BANP: variants seen among roughly 807,000 people sequenced by gnomAD.
BANP encodes protein BANP.
BANP carries 11 observed loss-of-function variants against 68.1 expected under a neutral mutation model. The ratio of observed to expected loss-of-function variants is 0.16; its 90% CI spans 0.10 to 0.27. The LOEUF (loss-of-function observed/expected upper bound fraction) is 0.27, where lower values mean the gene tolerates loss of function less well. BANP is among the 10% of genes least tolerant of loss of function. The pLI is 1.00. For synonymous variants in BANP, 329 were observed against 303.2 expected (o/e 1.09, Z -0.88); for missense variants, 504 against 722.7 (o/e 0.70, Z 3.47).
chr16:88,054,549 G>A (rs1248673884), intron 11 of BANP, among the ~76,000 whole-genome samples: 7 of 151,152 alleles, frequency 4.6e-5, no homozygotes, highest in Non-Finnish European at 7.4e-5. Context: ...CCTTACCTCC[G>A]CCACCCCCAC....
At chr16:88,031,511 T>G (rs1380419814) in intron 8 of BANP, among the ~76,000 whole-genome samples, 1 of 151,748 alleles carries the variant, frequency 6.6e-6, no homozygotes, top group Non-Finnish European at 1.5e-5. Context: ...TAGCCCAGCA[T>G]GATGGTGGGT....
chr16:88,068,422 G>A (rs890348812), intron 12 of BANP, among the ~76,000 whole-genome samples: 1 of 152,194 alleles, frequency 6.6e-6, no homozygotes, highest in African/African-American at 2.4e-5. Context: ...TCAAGGCCTC[G>A]GCCTGGTGGG....
intron 11 of BANP, among the ~76,000 whole-genome samples, chr16:88,056,510 T>G (rs1178373170): frequency 6.6e-6 from 1 of 151,418 alleles, no homozygotes; most frequent in Non-Finnish European, 1.5e-5. Flanking sequence ...ATGACTGAAA[T>G]GTACACTTTC....
At chr16:88,074,530 C>T (rs1164539102) in intron 13 of BANP, among the ~76,000 whole-genome samples, 2 of 152,130 alleles carry the variant, frequency 1.3e-5, no homozygotes, top group Non-Finnish European at 2.9e-5. Context: ...GAGGCAGCAC[C>T]TCCACCAGCC....
At chr16:87,985,156 C>T (rs1367887945) in intron 4 of BANP, among the ~76,000 whole-genome samples, 1 of 152,182 alleles carries the variant, frequency 6.6e-6, no homozygotes, top group East Asian at 1.9e-4. Context: ...CTTTGTGGGC[C>T]TCGCCAGGGG....
At chr16:87,978,791 T>C (rs962758794) in intron 2 of BANP, 16 of 379,002 alleles carry the variant, frequency 4.2e-5, no homozygotes, top group Non-Finnish European at 7.6e-5. Context: ...CGCTAAGTGA[T>C]AGAACCCCAA....
chr16:87,956,627 C>T (rs1486985380), intron 1 of BANP: 1 of 152,230 alleles, frequency 6.6e-6, no homozygotes, highest in Non-Finnish European at 1.5e-5. Context: ...GTGATTGGTA[C>T]GTGGCCTTCC....
chr16:87,998,726 G>C (rs541649050), intron 4 of BANP, among the ~76,000 whole-genome samples: 1 of 145,184 alleles, frequency 6.9e-6, no homozygotes, highest in South Asian at 2.2e-4. Flanking sequence ...ATGCACGCAC[G>C]TGCGCGGCTG....
chr16:87,996,397 G>C (rs1211510567), intron 4 of BANP, among the ~76,000 whole-genome samples: 1 of 152,088 alleles, frequency 6.6e-6, no homozygotes, highest in Non-Finnish European at 1.5e-5. Flanking sequence ...TGCCGGCTGG[G>C]CCCTCGTCCG....
intron 3 of BANP, among the ~76,000 whole-genome samples, chr16:87,982,087 A>G (rs113457713): frequency 6.6e-6 from 1 of 152,254 alleles, no homozygotes; most frequent in African/African-American, 2.4e-5. Context: ...TGACTGTAAA[A>G]TGCCTGTTTC....
At chr16:88,029,299 T>C (rs1445294389) in intron 8 of BANP, among the ~76,000 whole-genome samples, 2 of 92,790 alleles carry the variant, frequency 2.2e-5, no homozygotes, top group Admixed American at 1.6e-4. Flanking sequence ...AGAGCGAGAC[T>C]GTATCTCAAA....
intron 11 of BANP, among the ~76,000 whole-genome samples, chr16:88,047,032 T>C (rs1598835280): frequency 6.6e-6 from 1 of 151,762 alleles, no homozygotes; most frequent in Non-Finnish European, 1.5e-5. Flanking sequence ...CGCCATTGCA[T>C]TCCAGCCTGG....
At chr16:88,045,248 T>C (rs1220379329) in intron 11 of BANP, among the ~76,000 whole-genome samples, 1 of 152,236 alleles carries the variant, frequency 6.6e-6, no homozygotes, top group Non-Finnish European at 1.5e-5. Flanking sequence ...CAGTCAGGTT[T>C]TTGGCATGGC....
At chr16:87,951,331 C>T (rs957476440), upstream of BANP, 1 of 152,022 alleles carries the variant, frequency 6.6e-6, no homozygotes. Flanking sequence ...CGCAGCTGGC[C>T]TCACTGCCAC....
chr16:88,027,281 C>A (rs1448045462), intron 7 of BANP, among the ~76,000 whole-genome samples: 1 of 152,004 alleles, frequency 6.6e-6, no homozygotes, highest in Non-Finnish European at 1.5e-5. Context: ...ATTTATATCT[C>A]GTGGGGAGCC....
intron 1 of BANP, among the ~76,000 whole-genome samples, chr16:87,971,865 T>C (rs1309356028): frequency 6.6e-6 from 1 of 152,220 alleles, no homozygotes. Context: ...CGATCACAGC[T>C]TGCCACAGCC....
chr16:87,975,251 C>G (rs558404078), intron 2 of BANP, 66 bp downstream of exon 2: 5 of 1,503,876 alleles, frequency 3.3e-6, no homozygotes, highest in East Asian at 2.3e-5. Flanking sequence ...AAAAGCTGCT[C>G]CAGTTATTTT....
chr16:88,042,069 G>C (rs1346400656), intron 11 of BANP, among the ~76,000 whole-genome samples: 2 of 152,254 alleles, frequency 1.3e-5, no homozygotes, highest in African/African-American at 4.8e-5. Flanking sequence ...CCTCAGGACA[G>C]CGAATGGCAC....
At position 88,006,163 on chromosome 16, in the gene BANP, G is replaced by A. The variant is rs375644738; in HGVS notation, c.553G>A (p.Gly185Arg). 28 of 1,614,040 alleles carry A rather than the reference G, an allele frequency of 1.7e-5. 1 individual carries two copies. Among genetic ancestry groups the A allele is most frequent in the African/African-American group, 1.1e-4 (8 of 75,040 alleles). Residue 185 changes from glycine (G) to arginine (R), a missense_variant, in exon 6 of 14, where the codon GGG becomes AGG. Gly to Arg is a moderately radical substitution (Grantham distance 125, BLOSUM62 -2). Around this residue, in one of 3 missense-constraint regions of BANP, gnomAD observed 238 missense variants for 278.9 expected, o/e 0.85. Transcript: ENST00000682872. ...PGQEDSHHED[G>R]ESGSEASDSV... ...CCAAGAAGACAGCCACCACGAGGACGGGGAGAGCGGCTCGGAGGCCAGCGA... is the reference window on the plus strand; with the variant it reads ...CCAAGAAGACAGCCACCACGAGGACAGGGAGAGCGGCTCGGAGGCCAGCGA...
Sources: gnomAD v4.1 joint callset for allele counts (sites outside exome capture counted in the v4.1 genomes callset) on GRCh38, gnomAD v4.1.1 for gene constraint, gnomAD v4.1.1 regional missense constraint, MANE v1.5 for transcripts, NCBI Gene and HGNC (gene_info 2026-07-23, HGNC 2026-07-21) for gene names.